Variants in ZNF107 observed in about 807,000 individuals in gnomAD.
ZNF107 encodes C2H2 type zinc-finger protein.
A neutral mutation model predicts 12.3 loss-of-function variants in ZNF107; 19 were observed. The observed-to-expected ratio is 1.55, with a 90% CI of 1.08 to 2.27. The LOEUF (loss-of-function observed/expected upper bound fraction) is 2.27, where lower values mean the gene tolerates loss of function less well. Ranked by LOEUF, ZNF107 falls within the 30% of genes most tolerant of loss-of-function variation. The pLI, the probability that ZNF107 is intolerant of heterozygous loss-of-function variation, is 0.00. For synonymous variants in ZNF107, 317 were observed against 330.5 expected, an observed-to-expected ratio of 0.96 and a Z score of 0.44; for missense variants, 958 against 979.9, an observed-to-expected ratio of 0.98 and a Z score of 0.30.
chr7:64,691,906 CAA>C lies in ZNF107; in HGVS notation c.179_180del (p.Lys60ArgfsTer9). 6.6e-7 allele frequency: 1 copy of C among 1,514,734 alleles called. No homozygotes were observed. The highest frequency in any genetic ancestry group is 8.8e-7 in the Non-Finnish European group (1 of 1,136,926). 93.8% of individuals were successfully genotyped at this position (1,514,734 alleles called of 1,614,324 possible). ...SKPYLITCLE[Q>X]KKEPWNIKRH... ...GCCATATCTGATCACCTGTCTGGAG[CAA>C]AAAAAAGAGCCCTGGAATATAAAAA... On this transcript the variant is annotated frameshift_variant, in exon 3 of 4. Coordinates refer to ENST00000620827, the MANE Select transcript of ZNF107 (RefSeq NM_001282359.2). LOFTEE classifies it high-confidence loss of function.
intron 3 of ZNF107, 40 bp from the exon 4 acceptor site, chr7:64,706,284 T>G (rs753264712): frequency 1.4e-6 from 2 of 1,476,214 alleles, no homozygotes; most frequent in Non-Finnish European, 1.8e-6. Flanking sequence ...TTTATCTGAG[T>G]CTAGCAAGTG....
At chr7:64,698,120 ATTT>A (rs1301469276) in intron 3 of ZNF107, among the ~76,000 whole-genome samples, 1 of 152,060 alleles carries the variant, frequency 6.6e-6, no homozygotes, top group Non-Finnish European at 1.5e-5. Context: ...GTGTGAGGTG[ATTT>A]TGTTTTTCAT....
rs1219065500 is a variant in ZNF107 at position 64,703,214 on chromosome 7, A to G, written c.227-3110A>G. 2.0e-5 allele frequency among the ~76,000 whole-genome samples: 3 copies of G among 152,326 alleles called. No homozygotes were observed. The South Asian group carries it at 6.2e-4, about 32-fold the overall frequency. On this transcript the variant is annotated intron_variant, in intron 3 of 3. Transcript: ENST00000620827. ...GTGTATGACAATATTTAACTCTGCA[A>G]TTTAAGACAGTGTGGAGCAAAATCA...
chr7:64,696,528 G>GTA (rs1790295019), intron 3 of ZNF107, among the ~76,000 whole-genome samples: 1 of 152,066 alleles, frequency 6.6e-6, no homozygotes, highest in South Asian at 2.1e-4. Flanking sequence ...AAAATATACT[G>GTA]TTCATTTCAG....
chr7:64,682,058 C>G (rs1789700036), intron 1 of ZNF107, among the ~76,000 whole-genome samples: 1 of 152,022 alleles, frequency 6.6e-6, no homozygotes, highest in South Asian at 2.1e-4. Context: ...TAGCCAAGCC[C>G]TTGCCTGCGA....
In ZNF107 at chr7:64,701,229, A is replaced by C. The variant is rs1790466678; in HGVS notation, c.227-5095A>C. Among the ~76,000 whole-genome samples, 3 of 152,128 alleles carry C rather than the reference A, an allele frequency of 2.0e-5. No homozygotes were observed. In the South Asian group the frequency reaches 6.2e-4, roughly 31 times the overall value. On this transcript the variant is annotated intron_variant, in intron 3 of 3. Coordinates refer to ENST00000620827, the MANE Select transcript of ZNF107 (RefSeq NM_001282359.2). ...TGGTTACTATTTGCATAGAATAAAG[A>C]TATTTTCCCCATTCTGATATTTTCA...
In ZNF107 at chr7:64,707,164, TTA is replaced by T; in HGVS notation, c.1068_1069del (p.Asn357Ter). On this transcript the variant is annotated frameshift_variant, in exon 4 of 4. Transcript: ENST00000620827. LOFTEE classifies it low-confidence loss of function (END_TRUNC). ...AGAGCTTTTAACATATCCTCAAACCTTAATAAACAGGAGAAAATTCATACTGG... is the reference window on the plus strand; with the variant it reads ...AGAGCTTTTAACATATCCTCAAACCTATAAACAGGAGAAAATTCATACTGG... 1 of 1,613,592 alleles carries T rather than the reference TTA, an allele frequency of 6.2e-7. No homozygotes were observed. Among genetic ancestry groups the T allele is most frequent in the Non-Finnish European group, 8.5e-7 (1 of 1,179,810 alleles).
At chr7:64,687,254 A>G (rs1789953846) in intron 1 of ZNF107, 12 of 986,190 alleles carry the variant, frequency 1.2e-5, no homozygotes, top group Non-Finnish European at 1.2e-5. Context: ...AGCTATCTCT[A>G]TATGGACTCA....
Position 64,691,361 on chromosome 7 carries a change from C to T in ZNF107, c.117C>T (p.Asn39=), listed in dbSNP as rs181247339. 2.0e-6 allele frequency: 3 copies of T among 1,493,198 alleles called. No individual in the cohort carries two copies. The African/African-American group carries it at 4.3e-5, about 21-fold the overall frequency. 92.5% of individuals were successfully genotyped at this position (1,493,198 alleles called of 1,614,324 possible). A position where few individuals can be genotyped will look rare whatever the true frequency, so the allele number is the denominator to read the frequency against. ...YRNVLLENYR[N]LVFLGIAVSK... is the part of the protein sequence containing the mutation. ...ATGTGTTGTTAGAGAACTACAGAAA[C>T]CTGGTCTTTTTGGGTGAGGATAACT... Residue 39 remains asparagine (N), a synonymous_variant, in exon 2 of 4, where the codon AAC becomes AAT. Transcript: ENST00000620827.
At chr7:64,700,757 C>T (rs986537252) in intron 3 of ZNF107, among the ~76,000 whole-genome samples, 3 of 151,918 alleles carry the variant, frequency 2.0e-5, no homozygotes, top group African/African-American at 7.3e-5. Context: ...CCAGGCTGGT[C>T]TCGAACTCCT....
At chr7:64,693,115 C>G (rs1790170529) in intron 3 of ZNF107, among the ~76,000 whole-genome samples, 1 of 151,512 alleles carries the variant, frequency 6.6e-6, no homozygotes, top group Non-Finnish European at 1.5e-5. Flanking sequence ...TCTCCTGCCT[C>G]AGCCTCCTGA....
At position 64,707,114 on chromosome 7, in the gene ZNF107, A is replaced by G. The variant is rs371860896; in HGVS notation, c.1017A>G (p.Lys339=). Residue 339 remains lysine, a synonymous_variant, in exon 4 of 4, where the codon AAA becomes AAG. Coordinates refer to ENST00000620827, the MANE Select transcript of ZNF107 (RefSeq NM_001282359.2). ...ATAAGAGAATTCATGCTGGGGAGAA[A>G]CCCTACAAATGTAAAGAATGTGGCA... The part of the protein sequence containing the change: ...TNHKRIHAGE[K]PYKCKECGRA... The G allele has an allele frequency of 1.7e-5, 28 of 1,612,834 alleles. No homozygotes were observed. In the African/African-American group the frequency reaches 3.3e-4, roughly 19 times the overall value.
chr7:64,684,733 A>C (rs1211626527), intron 1 of ZNF107: 1 of 984,834 alleles, frequency 1.0e-6, no homozygotes. Flanking sequence ...AGATGATCTC[A>C]TCTTTTAGGG....
Position 64,687,138 on chromosome 7 carries a change from A to G in ZNF107, c.4-4110A>G, listed in dbSNP as rs956145230. On this transcript the variant is annotated intron_variant, in intron 1 of 3. Coordinates refer to ENST00000620827, the MANE Select transcript of ZNF107 (RefSeq NM_001282359.2). Reference sequence around the variant, plus strand: ...TCCCTCTCAATATAATCATTTTCAGAGTGAGCTGTTTTTCTCTTGAATGCA... The same window carrying G: ...TCCCTCTCAATATAATCATTTTCAGGGTGAGCTGTTTTTCTCTTGAATGCA... The G allele has an allele frequency of 2.6e-5, 26 of 985,326 alleles. No individual in the cohort carries two copies. The African/African-American group carries it at 4.2e-4, about 16-fold the overall frequency. The allele number at this position is 985,326 out of a possible 1,614,324, so 61.0% of individuals were successfully genotyped here.
chr7:64,703,146 C>G (rs1790531402), intron 3 of ZNF107, among the ~76,000 whole-genome samples: 1 of 152,058 alleles, frequency 6.6e-6, no homozygotes, highest in Admixed American at 6.5e-5. Flanking sequence ...GGATGTGCCA[C>G]CTCACACCAG....
chr7:64,698,719 C>G (rs1414601106), intron 3 of ZNF107, among the ~76,000 whole-genome samples: 1 of 152,204 alleles, frequency 6.6e-6, no homozygotes, highest in African/African-American at 2.4e-5. Flanking sequence ...CCATGCCTGG[C>G]TTGTTGCTCT....
intron 1 of ZNF107, chr7:64,684,805 C>G: frequency 1.2e-6 from 1 of 859,512 alleles, no homozygotes; most frequent in Non-Finnish European, 1.4e-6. Flanking sequence ...CACTCTTTAT[C>G]TATCCCTCCT....
Position 64,706,927 on chromosome 7 carries a change from T to C in ZNF107, c.830T>C (p.Ile277Thr). 6.2e-7 allele frequency: 1 copy of C among 1,612,016 alleles called. No homozygotes were observed. The highest frequency in any genetic ancestry group is 8.5e-7 in the Non-Finnish European group (1 of 1,179,318). The change falls in exon 4 of 4, where the codon ATA becomes ACA. Residue 277 changes from isoleucine (I) to threonine (T), a missense_variant. Coordinates refer to ENST00000620827, the MANE Select transcript of ZNF107 (RefSeq NM_001282359.2). ...GCCTCACACCTTACTATACATAAAA[T>C]AATTCATACTGGAGAAAAACCTTAC... ...KQASHLTIHK[I>T]IHTGEKPYKY...
chr7:64,708,238 T>C lies in ZNF107; in HGVS notation c.2141T>C (p.Phe714Ser). Residue 714 changes from phenylalanine (F) to serine (S), a missense_variant, in exon 4 of 4, where the codon TTT becomes TCT. Coordinates refer to ENST00000620827, the MANE Select transcript of ZNF107 (RefSeq NM_001282359.2). ...PYQCAECGKA[F>S]NCSSTLNRHK... ...CAATGTGCAGAATGTGGCAAAGCCT[T>C]TAACTGCTCCTCAACCCTTAATAGA... 1 of 1,613,636 alleles carries C rather than the reference T, an allele frequency of 6.2e-7. No individual in the cohort carries two copies. The highest frequency in any genetic ancestry group is 8.5e-7 in the Non-Finnish European group (1 of 1,179,772).
Sources: allele counts gnomAD v4.1 joint callset (sites outside exome capture counted in the v4.1 genomes callset), GRCh38; gene constraint gnomAD v4.1.1; transcripts MANE v1.5; gene names NCBI Gene and HGNC (gene_info 2026-07-23, HGNC 2026-07-21).